Variants in TRIM49 observed in about 807,000 individuals in gnomAD.
TRIM49 encodes tripartite motif containing 49.
TRIM49 carries 5 observed loss-of-function variants against 27.4 expected under a neutral mutation model. That is an observed-to-expected ratio of 0.18 (90% confidence interval 0.10 to 0.38). The LOEUF (loss-of-function observed/expected upper bound fraction) is 0.38. Ranked by LOEUF, TRIM49 falls within the 10% of genes least tolerant of loss-of-function variation. The probability of loss-of-function intolerance (pLI) is 1.00; values close to 1 mark genes in which losing one functional copy is unlikely to be tolerated. For missense variants in TRIM49, 188 were observed against 487.5 expected (o/e 0.39, Z 5.79); for synonymous variants, 69 against 166.0 (o/e 0.42, Z 4.49).
chr11:89,798,733 A>G (rs1949713457), intron 7 of TRIM49, 104 bp from the exon 8 acceptor site: 3 of 1,364,604 alleles, frequency 2.2e-6, no homozygotes, highest in Admixed American at 3.3e-5. Flanking sequence ...AAAGTCATAA[A>G]ATGTTTTGCT....
downstream of TRIM49, among the ~76,000 whole-genome samples, chr11:89,795,756 G>A (rs1432734646): frequency 8.4e-3 from 1,033 of 122,506 alleles, no homozygotes; most frequent in African/African-American, 0.03. Flanking sequence ...GGGAGGGGGA[G>A]GGATAGCATT....
At chr11:89,766,831 A>T in the TRIM49 span, 1 of 1,347,284 alleles carries the variant, frequency 7.4e-7, no homozygotes, top group African/African-American at 2.1e-5. Context: ...ATGTCCTTAG[A>T]TTTAAACATT....
the TRIM49 span, among the ~76,000 whole-genome samples, chr11:89,791,957 TAA>T: frequency 6.7e-6 from 1 of 148,646 alleles, no homozygotes; most frequent in Admixed American, 6.7e-5. Flanking sequence ...GCAAATTGGA[TAA>T]AGAGTCAAGA....
chr11:89,797,732 C>T lies in TRIM49; in HGVS notation c.*398G>A, dbSNP rs1176880328. On this transcript the variant is annotated 3_prime_UTR_variant, in exon 8 of 8. Coordinates refer to ENST00000329758, the MANE Select transcript of TRIM49 (RefSeq NM_020358.2). The stretch of plus-strand genomic sequence containing the variant: ...ATAGTTAGATAAAGAGGAAGAAAAA[C>T]ATTTCCCAGTTATCATTGAGACTTC... 2 of 128,596 alleles carry T rather than the reference C, an allele frequency of 1.6e-5. No homozygotes were observed. The highest frequency in any genetic ancestry group is 3.1e-5 in the Non-Finnish European group (2 of 63,962). The allele number at this position is 128,596 out of a possible 1,614,324, so 8.0% of individuals were successfully genotyped here.
chr11:89,768,097 T>C, the TRIM49 span: 2 of 697,832 alleles, frequency 2.9e-6, no homozygotes, highest in Non-Finnish European at 2.4e-6. Flanking sequence ...TCTCTTGTTC[T>C]AGATGAAAAA....
chr11:89,802,546 A>G (rs1172027715), intron 4 of TRIM49, among the ~76,000 whole-genome samples: 18 of 150,838 alleles, frequency 1.2e-4, no homozygotes, highest in Non-Finnish European at 2.2e-4. Flanking sequence ...GTTCTCTCCA[A>G]CTAGAATTAC....
downstream of TRIM49, among the ~76,000 whole-genome samples, chr11:89,793,118 T>C (rs1238580960): frequency 6.6e-6 from 1 of 152,148 alleles, no homozygotes; most frequent in Admixed American, 6.5e-5. Context: ...TATAAACACC[T>C]CTATGCAAAT....
At chr11:89,807,654 A>G (rs1949797995) in intron 1 of TRIM49, among the ~76,000 whole-genome samples, 1 of 150,914 alleles carries the variant, frequency 6.6e-6, no homozygotes, top group Non-Finnish European at 1.5e-5. Flanking sequence ...TCAGCCTTCC[A>G]AGTAGCTACG....
intron 6 of TRIM49, among the ~76,000 whole-genome samples, chr11:89,800,282 A>T (rs1439092659): frequency 6.6e-6 from 1 of 151,510 alleles, no homozygotes; most frequent in South Asian, 2.1e-4. Flanking sequence ...TTTTCAATCT[A>T]TTTTTCAGAA....
chr11:89,793,042 A>G (rs548241761), downstream of TRIM49, among the ~76,000 whole-genome samples: 8 of 152,266 alleles, frequency 5.3e-5, no homozygotes, highest in Admixed American at 3.3e-4. Context: ...AATAGATGCA[A>G]TAAAAAATGA....
At chr11:89,796,529 C>T (rs1019986963), downstream of TRIM49, among the ~76,000 whole-genome samples, 12 of 141,580 alleles carry the variant, frequency 8.5e-5, no homozygotes, top group Non-Finnish European at 1.8e-4. Flanking sequence ...TGCCACCATG[C>T]CTGGGCTCCT....
At chr11:89,807,664 G>A (rs1343101949) in intron 1 of TRIM49, among the ~76,000 whole-genome samples, 3 of 150,960 alleles carry the variant, frequency 2.0e-5, no homozygotes, top group East Asian at 1.9e-4. Flanking sequence ...AAGTAGCTAC[G>A]ACTTTAGGCT....
At chr11:89,792,249 C>T in the TRIM49 span, among the ~76,000 whole-genome samples, 1 of 150,106 alleles carries the variant, frequency 6.7e-6, no homozygotes, top group African/African-American at 2.4e-5. Flanking sequence ...TAAAGCAAGT[C>T]CTGAGTGACC....
At chr11:89,773,190 C>T in the TRIM49 span, among the ~76,000 whole-genome samples, 1 of 130,334 alleles carries the variant, frequency 7.7e-6, no homozygotes. Flanking sequence ...GACTGCGTCT[C>T]AAAAAAAAAG....
chr11:89,803,865 A>C (rs1386084304), intron 3 of TRIM49, 72 bp from the exon 4 acceptor site: 15 of 776,286 alleles, frequency 1.9e-5, no homozygotes, highest in Admixed American at 5.8e-5. Context: ...ATGAGAGACA[A>C]ATAAGCCCCT....
chr11:89,792,996 A>G (rs1202610860), downstream of TRIM49, among the ~76,000 whole-genome samples: 11 of 152,286 alleles, frequency 7.2e-5, no homozygotes, highest in Non-Finnish European at 1.6e-4. Context: ...ATAGACTGCT[A>G]GCAAGACTAA....
the TRIM49 span, among the ~76,000 whole-genome samples, chr11:89,781,588 G>GA: frequency 7.1e-6 from 1 of 141,696 alleles, no homozygotes; most frequent in African/African-American, 2.8e-5. Context: ...TTCTATTGAA[G>GA]AAAAAAATAC....
chr11:89,770,737 G>T, the TRIM49 span, among the ~76,000 whole-genome samples: 1 of 142,644 alleles, frequency 7.0e-6, no homozygotes, highest in African/African-American at 2.8e-5. Context: ...GTGGTGGCGA[G>T]CGCCTGTAGT....
chr11:89,799,940 C>G (rs1949721329), intron 6 of TRIM49, 127 bp from the exon 7 acceptor site: 1 of 993,120 alleles, frequency 1.0e-6, no homozygotes. Flanking sequence ...AAAATTAATC[C>G]TTCCTTTTGC....
Sources: gnomAD v4.1 joint callset for allele counts (sites outside exome capture counted in the v4.1 genomes callset) on GRCh38, gnomAD v4.1.1 for gene constraint, MANE v1.5 for transcripts, NCBI Gene and HGNC (gene_info 2026-07-23, HGNC 2026-07-21) for gene names.